The following DEFB109B variants were observed in gnomAD, a reference collection of about 807,000 sequenced individuals.
The protein encoded by DEFB109B is beta-defensin 109B.
upstream of DEFB109B, among the ~76,000 whole-genome samples, chr8:7,309,581 C>A (rs1330749877): frequency 2.8e-3 from 409 of 147,228 alleles, 3 homozygotes; most frequent in African/African-American, 0.011. Flanking sequence ...CCAGATATGA[C>A]CCTGCAACAG....
rs1802876673 is a variant in DEFB109B, at chr8:7,315,726, T to A, written n.58+2823T>A. Among the ~76,000 whole-genome samples the A allele has an allele frequency of 1.4e-5, 2 of 140,314 alleles. 1 individual carries two copies. Among genetic ancestry groups the A allele is most frequent in the African/African-American group, 6.3e-5 (2 of 31,678 alleles). The allele number at this position is 140,314 out of a possible 152,430, so 92.1% of individuals were successfully genotyped here. On this transcript the variant is annotated intron_variant and non_coding_transcript_variant, in intron 1 of 1. Coordinates refer to ENST00000382656, the Ensembl canonical transcript of DEFB109B. ...CCTGCTTCTGCTGCTGCAACTCAGG[T>A]ACACACAAAGCATGTGTGGATCCGT...
chr8:7,317,424 TCA>T (rs1803027875), intron 1 of DEFB109B, among the ~76,000 whole-genome samples: 1 of 147,742 alleles, frequency 6.8e-6, no homozygotes. Context: ...AAGCTCCAGT[TCA>T]CAGACTGTTT....
chr8:7,309,707 C>A (rs1348591342), upstream of DEFB109B, among the ~76,000 whole-genome samples: 2 of 145,256 alleles, frequency 1.4e-5, no homozygotes, highest in Non-Finnish European at 2.9e-5. Context: ...AGAAGATGAT[C>A]AGGCATCCTA....
In DEFB109B at chr8:7,319,732, C is replaced by T. The variant is rs1327079044; in HGVS notation, n.59-14C>T. 2.0e-5 allele frequency: 3 copies of T among 147,946 alleles called. 1 individual carries two copies. Among genetic ancestry groups the T allele is most frequent in the African/African-American group, 8.4e-5 (3 of 35,908 alleles). The allele number at this position is 147,946 out of a possible 1,614,324, so 9.2% of individuals were successfully genotyped here. On this transcript the variant is annotated splice_polypyrimidine_tract_variant and intron_variant and non_coding_transcript_variant, in intron 1 of 1. Coordinates refer to ENST00000382656, the Ensembl canonical transcript of DEFB109B. ...TTGTGGACTAACTATCTCACTGGAT[C>T]TTCTTTCCTTCAGTAAGAGGTGGTT...
At chr8:7,309,849 GA>G (rs1419669082), upstream of DEFB109B, among the ~76,000 whole-genome samples, 1 of 104,436 alleles carries the variant, frequency 9.6e-6, no homozygotes, top group Non-Finnish European at 1.8e-5. Context: ...GTTGGGGAAG[GA>G]GTGGGAAAGT....
intron 1 of DEFB109B, 104 bp from the exon 2 acceptor site, chr8:7,319,642 C>A (rs1803190238): frequency 6.9e-6 from 1 of 144,614 alleles, no homozygotes; most frequent in South Asian, 2.1e-4. Context: ...CAAGAGCTCC[C>A]ACATAAAAAC....
intron 1 of DEFB109B, among the ~76,000 whole-genome samples, chr8:7,313,448 TGA>T (rs943383659): frequency 2.2e-5 from 3 of 138,078 alleles, no homozygotes; most frequent in Non-Finnish European, 4.5e-5. Context: ...GAAAATTATA[TGA>T]GAGACTTTTC....
upstream of DEFB109B, among the ~76,000 whole-genome samples, chr8:7,310,612 C>T (rs79576824): frequency 0.036 from 4,660 of 129,300 alleles, 20 homozygotes; most frequent in African/African-American, 0.043. Context: ...TGTGCATGTG[C>T]GTGCCTTTGC....
upstream of DEFB109B, among the ~76,000 whole-genome samples, chr8:7,309,611 A>C (rs1275685416): frequency 6.8e-6 from 1 of 147,928 alleles, no homozygotes; most frequent in East Asian, 1.9e-4. Context: ...TTCTGCATTG[A>C]GCATGCAATC....
upstream of DEFB109B, among the ~76,000 whole-genome samples, chr8:7,312,259 G>C (rs1246982046): frequency 2.2e-5 from 3 of 137,610 alleles, no homozygotes; most frequent in Non-Finnish European, 4.4e-5. Flanking sequence ...TACAGAGATA[G>C]GCTCCAAACC....
Position 7,319,791 on chromosome 8 carries a change from T to A in DEFB109B, n.104T>A, listed in dbSNP as rs574225399. ...GCGGAAGGTCATTGTCTCAATTTGT[T>A]TGGTGTTTGCAGAACAGATGTCTGC... On this transcript the variant is annotated non_coding_transcript_exon_variant, in exon 2 of 2. Transcript: ENST00000382656. 2.4e-3 allele frequency: 333 copies of A among 139,044 alleles called. 35 individuals carry two copies. Among genetic ancestry groups the A allele is most frequent in the African/African-American group, 0.01 (317 of 31,050 alleles). 8.6% of individuals were successfully genotyped at this position (139,044 alleles called of 1,614,324 possible).
chr8:7,319,336 A>C (rs578205147), intron 1 of DEFB109B: 2 of 145,882 alleles, frequency 1.4e-5, no homozygotes, highest in South Asian at 4.2e-4. Flanking sequence ...GAGATGCCAG[A>C]AACATCTTTT....
intron 1 of DEFB109B, among the ~76,000 whole-genome samples, chr8:7,317,360 T>G (rs944437480): frequency 2.0e-5 from 3 of 147,078 alleles, no homozygotes; most frequent in Admixed American, 6.6e-5. Flanking sequence ...CCAGAAGATA[T>G]GGGAAACCCT....
At chr8:7,315,622 C>T (rs1343289812) in intron 1 of DEFB109B, among the ~76,000 whole-genome samples, 26 of 131,120 alleles carry the variant, frequency 2.0e-4, no homozygotes, top group African/African-American at 9.9e-4. Flanking sequence ...GCTAAACTAT[C>T]ACAAGCCCAC....
At chr8:7,313,596 G>T (rs1384431422) in intron 1 of DEFB109B, among the ~76,000 whole-genome samples, 1 of 144,644 alleles carries the variant, frequency 6.9e-6, no homozygotes, top group Non-Finnish European at 1.5e-5. Context: ...TGCTGCTCAA[G>T]GTATATTACA....
chr8:7,312,301 G>A (rs1490304910), upstream of DEFB109B, among the ~76,000 whole-genome samples: 4 of 139,308 alleles, frequency 2.9e-5, no homozygotes, highest in African/African-American at 1.3e-4. Flanking sequence ...AAGGTATTTT[G>A]TATTTAACAA....
intron 1 of DEFB109B, among the ~76,000 whole-genome samples, chr8:7,316,857 G>C (rs1284853636): frequency 7.8e-6 from 1 of 128,980 alleles, no homozygotes; most frequent in Admixed American, 7.3e-5. Context: ...TGGGCATGCT[G>C]TTCTTGAACT....
upstream of DEFB109B, among the ~76,000 whole-genome samples, chr8:7,311,961 C>G (rs1266837539): frequency 8.0e-6 from 1 of 125,646 alleles, no homozygotes; most frequent in African/African-American, 4.8e-5. Flanking sequence ...TTTTTAAAAT[C>G]AAGTCAAGTT....
chr8:7,310,406 C>CAA (rs1262700553), upstream of DEFB109B, among the ~76,000 whole-genome samples: 3 of 70,504 alleles, frequency 4.3e-5, no homozygotes, highest in African/African-American at 3.0e-4. Context: ...AGCACACAAC[C>CAA]AAAAAAAAAA....
Sources: gnomAD v4.1 joint callset for allele counts (sites outside exome capture counted in the v4.1 genomes callset) on GRCh38, gnomAD v4.1.1 for gene constraint, MANE v1.5 for transcripts, NCBI Gene and HGNC (gene_info 2026-07-23, HGNC 2026-07-21) for gene names.